The following STYXL1 variants were observed in gnomAD, a reference collection of about 807,000 sequenced individuals.
STYXL1 encodes serine/threonine/tyrosine-interacting-like protein 1.
Under a neutral mutation model 36.4 loss-of-function variants are expected in STYXL1, and 32 were observed. The ratio of observed to expected loss-of-function variants is 0.88; its 90% CI spans 0.66 to 1.18. The LOEUF (loss-of-function observed/expected upper bound fraction) is 1.18. STYXL1 is among the 50% of genes most tolerant of loss of function. The pLI, the probability that STYXL1 is intolerant of heterozygous loss-of-function variation, is 0.00. For synonymous variants in STYXL1, 133 were observed against 144.1 expected (o/e 0.92, Z 0.55); for missense variants, 354 against 394.1 (o/e 0.90, Z 0.86).
intron 5 of STYXL1, among the ~76,000 whole-genome samples, chr7:76,008,289 T>C (rs1368888461): frequency 6.7e-6 from 1 of 150,192 alleles, no homozygotes; most frequent in Non-Finnish European, 1.5e-5. Flanking sequence ...GATGTTTCCA[T>C]GAGGCTCTGA....
Position 76,047,905 on chromosome 7 carries a change from T to A in STYXL1, c.-248A>T, listed in dbSNP as rs545998429. ...CTGGCCCTCCCACTCCGACCGCAGG[T>A]CCCCCACCGGCCACACAGACGGCTA... On this transcript the variant is annotated 5_prime_UTR_variant, in exon 1 of 9. Coordinates refer to ENST00000359697, the MANE Select transcript of STYXL1 (RefSeq NM_001317785.2). 144 of 1,414,540 alleles carry A rather than the reference T, an allele frequency of 1.0e-4. 2 individuals carry two copies. In the South Asian group the frequency reaches 1.9e-3, roughly 19 times the overall value. The allele number at this position is 1,414,540 out of a possible 1,614,324, so 87.6% of individuals were successfully genotyped here. A position where few individuals can be genotyped will look rare whatever the true frequency, so the allele number is the denominator to read the frequency against.
chr7:76,038,520 G>T (rs572368951), intron 1 of STYXL1, among the ~76,000 whole-genome samples: 1 of 151,016 alleles, frequency 6.6e-6, no homozygotes, highest in East Asian at 2.0e-4. Flanking sequence ...CTGCCTCCTG[G>T]GTTCCCGCCA....
chr7:76,022,092 C>A, intron 3 of STYXL1, 100 bp from the exon 4 acceptor site: 1 of 1,522,306 alleles, frequency 6.6e-7, no homozygotes, highest in Middle Eastern at 2.1e-4. Flanking sequence ...GAGCTAAGAC[C>A]GCACTCTCTC....
At chr7:76,024,273 C>T (rs1794413372) in intron 3 of STYXL1, among the ~76,000 whole-genome samples, 1 of 152,122 alleles carries the variant, frequency 6.6e-6, no homozygotes, top group South Asian at 2.1e-4. Flanking sequence ...GGCAGAAAAA[C>T]AACCGATATT....
At chr7:75,996,647 C>A (rs782629509) in intron 8 of STYXL1, 48 bp from the exon 9 acceptor site, 1 of 1,593,254 alleles carries the variant, frequency 6.3e-7, no homozygotes. Flanking sequence ...GTCCTGGGCC[C>A]TTTCCACTTG....
intron 1 of STYXL1, among the ~76,000 whole-genome samples, chr7:76,043,177 T>G (rs528725180): frequency 2.1e-4 from 32 of 152,214 alleles, no homozygotes; most frequent in Non-Finnish European, 1.8e-4. Context: ...AGTCACGCTC[T>G]GTTGCCCAGG....
Position 76,000,995 on chromosome 7 carries a change from G to C in STYXL1, c.705C>G (p.His235Gln), listed in dbSNP as rs370252557. The change falls in exon 8 of 9, where the codon CAC (histidine) becomes CAG (glutamine). Residue 235 changes from histidine to glutamine, a missense_variant. Physicochemically the swap from His to Gln is conservative, Grantham distance 24 (BLOSUM62 0). Transcript: ENST00000359697. ...LRHMCHFIEI[H>Q]HHLGSVILIF... is the part of the protein sequence containing the mutation. Reference sequence around the variant, plus strand: ...TCAGAATGACAGAGCCAAGGTGATGGTGAATTTCTGCAAAAAGAAGTGGGG... The same window carrying C: ...TCAGAATGACAGAGCCAAGGTGATGCTGAATTTCTGCAAAAAGAAGTGGGG... The C allele has an allele frequency of 3.3e-5, 53 of 1,613,788 alleles. No homozygotes were observed. The highest frequency in any genetic ancestry group is 1.7e-4 in the Admixed American group (10 of 60,004).
intron 4 of STYXL1, among the ~76,000 whole-genome samples, chr7:76,019,708 C>T (rs1409274913): frequency 6.6e-6 from 1 of 151,862 alleles, no homozygotes; most frequent in East Asian, 1.9e-4. Context: ...ATGGCATTGA[C>T]AGGAAGAATC....
chr7:76,030,465 G>C lies in STYXL1; in HGVS notation c.59C>G (p.Thr20Arg). 1 of 1,613,928 alleles carries C rather than the reference G, an allele frequency of 6.2e-7. No individual in the cohort carries two copies. Residue 20 changes from threonine to arginine, a missense_variant, in exon 2 of 9, where the codon ACA (threonine) becomes AGA (arginine). Transcript: ENST00000359697. ...TELYNILNQA[T>R]KLSRLTDPNY... ...GGGGTCTGTTAATCTGGAGAGTTTT[G>C]TGGCCTGATTCAGGATGTTGTAAAG...
chr7:76,041,656 C>G (rs1796485493), intron 1 of STYXL1, among the ~76,000 whole-genome samples: 1 of 152,234 alleles, frequency 6.6e-6, no homozygotes, highest in African/African-American at 2.4e-5. Flanking sequence ...GCTACCCAAT[C>G]TGGAACTTCC....
chr7:76,027,448 CATA>C (rs1314859237), intron 3 of STYXL1, among the ~76,000 whole-genome samples: 32 of 151,666 alleles, frequency 2.1e-4, no homozygotes, highest in African/African-American at 7.5e-4. Context: ...GCCTGGGCAA[CATA>C]ATAAGATCCT....
chr7:76,045,929 C>T (rs1796908390), intron 1 of STYXL1: 1 of 152,198 alleles, frequency 6.6e-6, no homozygotes, highest in South Asian at 2.1e-4. Flanking sequence ...ATACCTGGCT[C>T]TGAGGTGCTC....
intron 5 of STYXL1, among the ~76,000 whole-genome samples, chr7:76,011,025 G>A (rs1792488844): frequency 6.6e-6 from 1 of 152,114 alleles, no homozygotes; most frequent in Admixed American, 6.5e-5. Context: ...GACCAGCCTG[G>A]GGAACATAGC....
Position 76,003,769 on chromosome 7 carries a change from C to T in STYXL1, c.686G>A (p.Cys229Tyr), listed in dbSNP as rs1554568920. The change falls in exon 7 of 9, where the codon TGT becomes TAT. Residue 229 changes from cysteine to tyrosine, a missense_variant. Transcript: ENST00000359697. ...GGAACGCTCCTTACCAATGAAGTGA[C>T]ACATGTGGCGTAAGAAGGGAAGAAT... ...AQILPFLRHM[C>Y]HFIEIHHHLG... The T allele has an allele frequency of 1.2e-6, 2 of 1,614,054 alleles. No homozygotes were observed. The highest frequency in any genetic ancestry group is 1.7e-6 in the Non-Finnish European group (2 of 1,180,020).
At chr7:75,999,555 ATT>A (rs1491579111) in intron 8 of STYXL1, among the ~76,000 whole-genome samples, 6 of 84,280 alleles carry the variant, frequency 7.1e-5, no homozygotes, top group African/African-American at 1.9e-4. Flanking sequence ...GTGTGTGTAT[ATT>A]TTTTTTTGAG....
intron 7 of STYXL1, among the ~76,000 whole-genome samples, chr7:76,002,791 G>A (rs1459448507): frequency 6.6e-6 from 1 of 152,166 alleles, no homozygotes; most frequent in South Asian, 2.1e-4. Flanking sequence ...GGACGTGGTG[G>A]TGCATGCCTG....
intron 4 of STYXL1, among the ~76,000 whole-genome samples, chr7:76,018,575 G>C (rs1027026983): frequency 2.0e-5 from 3 of 152,080 alleles, no homozygotes; most frequent in Non-Finnish European, 4.4e-5. Flanking sequence ...ATTTTTAATA[G>C]AGATGGGGTT....
chr7:76,006,742 C>T (rs554557157), intron 5 of STYXL1, among the ~76,000 whole-genome samples: 4 of 144,188 alleles, frequency 2.8e-5, no homozygotes, highest in Admixed American at 1.4e-4. Flanking sequence ...CCAGCCTGGG[C>T]GACAGAATGA....
At chr7:76,040,455 C>A (rs1796370581) in intron 1 of STYXL1, among the ~76,000 whole-genome samples, 1 of 152,200 alleles carries the variant, frequency 6.6e-6, no homozygotes, top group Non-Finnish European at 1.5e-5. Flanking sequence ...GTGGCCAGTC[C>A]AACACCTCCC....
Sources: allele counts gnomAD v4.1 joint callset (sites outside exome capture counted in the v4.1 genomes callset), GRCh38; gene constraint gnomAD v4.1.1; transcripts MANE v1.5; gene names NCBI Gene and HGNC (gene_info 2026-07-23, HGNC 2026-07-21).